Variants in CACNA1D observed in about 807,000 individuals in gnomAD.
The protein encoded by CACNA1D is voltage-dependent L-type calcium channel subunit alpha-1D.
Under a neutral mutation model 257.1 loss-of-function variants are expected in CACNA1D, and 55 were observed. The ratio of observed to expected loss-of-function variants is 0.21; its 90% confidence interval spans 0.17 to 0.27. CACNA1D has a LOEUF of 0.27. CACNA1D is among the 10% of genes least tolerant of loss of function. The probability of loss-of-function intolerance (pLI) is 1.00; values close to 1 mark genes in which losing one functional copy is unlikely to be tolerated. For synonymous variants in CACNA1D, 980 were observed against 1,014.9 expected, an observed-to-expected ratio of 0.97 and a Z score of 0.65; for missense variants, 1,876 against 2,784.0, an observed-to-expected ratio of 0.67 and a Z score of 7.34.
chr3:53,528,174 G>A (rs760152887), intron 3 of CACNA1D, among the ~76,000 whole-genome samples: 2 of 152,104 alleles, frequency 1.3e-5, no homozygotes, highest in Non-Finnish European at 2.9e-5. Context: ...TAGGTCTGTG[G>A]TCCATTTCAA....
At chr3:53,808,497 T>C (rs1318705145) in intron 45 of CACNA1D, 152 bp from the exon 46 acceptor site, 5 of 836,350 alleles carry the variant, frequency 6.0e-6, no homozygotes, top group Middle Eastern at 2.3e-4. Flanking sequence ...CTACTAAAGT[T>C]TGGAGACCTC....
intron 8 of CACNA1D, among the ~76,000 whole-genome samples, chr3:53,700,064 G>A (rs1274907175): frequency 2.0e-5 from 3 of 147,058 alleles, no homozygotes; most frequent in Admixed American, 2.0e-4. Flanking sequence ...ATTATAAAAT[G>A]TATATAATTA....
chr3:53,554,674 A>G (rs1162415118), intron 3 of CACNA1D, among the ~76,000 whole-genome samples: 1 of 152,228 alleles, frequency 6.6e-6, no homozygotes, highest in Non-Finnish European at 1.5e-5. Flanking sequence ...TCCCTCTCCC[A>G]TAGCACAGTT....
At chr3:53,498,552 A>G (rs1356992134) in intron 2 of CACNA1D, among the ~76,000 whole-genome samples, 2 of 152,322 alleles carry the variant, frequency 1.3e-5, no homozygotes, top group South Asian at 2.1e-4. Flanking sequence ...GCCTTAGAAC[A>G]GTTCCTAACT....
intron 3 of CACNA1D, among the ~76,000 whole-genome samples, chr3:53,632,254 CT>C (rs1401425722): frequency 1.3e-5 from 2 of 152,228 alleles, no homozygotes; most frequent in African/African-American, 4.8e-5. Flanking sequence ...TCACCTTGTA[CT>C]TTTATGTTAT....
intron 39 of CACNA1D, chr3:53,782,035 A>G: frequency 5.1e-6 from 1 of 195,054 alleles, no homozygotes; most frequent in Middle Eastern, 2.2e-3. Flanking sequence ...TATATTGTTG[A>G]AAATGTCCCA....
Position 53,650,979 on chromosome 3 carries a change from G to GT in CACNA1D, c.623+61_623+62insT, listed in dbSNP as rs2108273593. The GT allele has an allele frequency of 2.8e-6, 4 of 1,427,636 alleles. No homozygotes were observed. The East Asian group carries it at 6.9e-5, about 24-fold the overall frequency. 88.4% of individuals were successfully genotyped at this position (1,427,636 alleles called of 1,614,324 possible). A position where few individuals can be genotyped will look rare whatever the true frequency, so the allele number is the denominator to read the frequency against. On this transcript the variant is annotated intron_variant, in intron 4 of 47. Transcript: ENST00000350061. ...GAAAATGGGAGGTGGAGGTTGGGGGGGGTGGTGGTAACAAAACAGTCTTTT... is the reference window on the plus strand; with the variant it reads ...GAAAATGGGAGGTGGAGGTTGGGGGGTGGTGGTGGTAACAAAACAGTCTTTT...
intron 3 of CACNA1D, among the ~76,000 whole-genome samples, chr3:53,558,545 C>G (rs2092684825): frequency 6.6e-6 from 1 of 152,132 alleles, no homozygotes; most frequent in African/African-American, 2.4e-5. Context: ...AATTTGTTGA[C>G]TGCATTTCTT....
chr3:53,727,351 A>G (rs2094945639), intron 15 of CACNA1D, among the ~76,000 whole-genome samples: 2 of 152,064 alleles, frequency 1.3e-5, no homozygotes, highest in South Asian at 2.1e-4. Context: ...TCTTTATGTT[A>G]TCATTATTGG....
At chr3:53,791,077 T>C in intron 40 of CACNA1D, 2 of 700,740 alleles carry the variant, frequency 2.9e-6, no homozygotes, top group Non-Finnish European at 5.2e-6. Flanking sequence ...AAGGGAAAAG[T>C]CTCAAGTGGG....
chr3:53,562,816 T>G (rs1431302476), intron 3 of CACNA1D, among the ~76,000 whole-genome samples: 1 of 152,208 alleles, frequency 6.6e-6, no homozygotes, highest in Non-Finnish European at 1.5e-5. Context: ...AAGTTTCTTG[T>G]AAGAGATTGT....
In CACNA1D at chr3:53,800,806, G is replaced by A. The variant is rs1559711590; in HGVS notation, c.5041-252G>A. 3.5e-6 allele frequency: 2 copies of A among 579,178 alleles called. No individual in the cohort carries two copies. The highest frequency in any genetic ancestry group is 5.9e-5 in the East Asian group (2 of 33,634). 35.9% of individuals were successfully genotyped at this position (579,178 alleles called of 1,614,324 possible). ...TAAGTCACCCCAACTTGGAGCAACT[G>A]GAAGAGCACACTCGAGTGACAGCCG... On this transcript the variant is annotated intron_variant, in intron 41 of 47. Coordinates refer to ENST00000350061, the MANE Select transcript of CACNA1D (RefSeq NM_001128840.3). The surrounding 1 kb of genome is among the most constrained non-coding windows in gnomAD (Gnocchi z 4.3).
At chr3:53,702,498 G>A in intron 8 of CACNA1D, 143 bp from the exon 9 acceptor site, 2 of 767,744 alleles carry the variant, frequency 2.6e-6, no homozygotes, top group South Asian at 3.3e-5. Flanking sequence ...CTGTCCAAGT[G>A]TGTGGCTCCA....
At chr3:53,704,510 C>T (rs1352953465) in intron 9 of CACNA1D, among the ~76,000 whole-genome samples, 1 of 152,178 alleles carries the variant, frequency 6.6e-6, no homozygotes, top group Non-Finnish European at 1.5e-5. Flanking sequence ...CAGCGATGTG[C>T]CTATGAAGTG....
chr3:53,808,515 A>C (rs2095578876), intron 45 of CACNA1D, 134 bp from the exon 46 acceptor site: 5 of 1,056,586 alleles, frequency 4.7e-6, no homozygotes, highest in Non-Finnish European at 4.3e-6. Context: ...CTCACTACCT[A>C]ATCTTTCTCT....
chr3:53,546,479 T>G lies in CACNA1D; in HGVS notation c.483+44759T>G, dbSNP rs2092415854. Among the ~76,000 whole-genome samples the G allele has an allele frequency of 2.0e-5, 3 of 152,186 alleles. No individual in the cohort carries two copies. The South Asian group carries it at 6.2e-4, about 31-fold the overall frequency. On this transcript the variant is annotated intron_variant, in intron 3 of 47. Transcript: ENST00000350061. ...ATTAATCTGTGTCCTTATTTTAGAGTAGCTTTTGGCTTAGGGTTCTGGTGA... is the reference window on the plus strand; with the variant it reads ...ATTAATCTGTGTCCTTATTTTAGAGGAGCTTTTGGCTTAGGGTTCTGGTGA...
chr3:53,538,408 C>T (rs530996631), intron 3 of CACNA1D, among the ~76,000 whole-genome samples: 132 of 152,290 alleles, frequency 8.7e-4, no homozygotes, highest in African/African-American at 3.0e-3. Flanking sequence ...CCGTCCCCAT[C>T]GGCCTCCCAA....
chr3:53,748,973 A>T (rs2095199289), intron 26 of CACNA1D: 1 of 506,270 alleles, frequency 2.0e-6, no homozygotes, highest in Non-Finnish European at 3.6e-6. Flanking sequence ...TACACGTGAT[A>T]TTCTTCCTCT....
At chr3:53,500,253 TAA>T (rs55823212) in intron 2 of CACNA1D, among the ~76,000 whole-genome samples, 6 of 40,950 alleles carry the variant, frequency 1.5e-4, no homozygotes, top group African/African-American at 5.8e-4. Context: ...CTGTCTCTAC[TAA>T]AAAAAAAAAA....
Sources: allele counts gnomAD v4.1 joint callset (sites outside exome capture counted in the v4.1 genomes callset), GRCh38; gene constraint gnomAD v4.1.1; non-coding constraint Gnocchi (gnomAD v3.1); transcripts MANE v1.5; gene names NCBI Gene and HGNC (gene_info 2026-07-23, HGNC 2026-07-21).